Variants in PPP2R5C observed in about 807,000 individuals in gnomAD.
PPP2R5C encodes protein phosphatase 2 regulatory subunit B'gamma, also known as serine/threonine-protein phosphatase 2A 56 kDa regulatory subunit gamma isoform.
In PPP2R5C, 7 loss-of-function variants were observed where a neutral mutation model predicts 68.9. That is an observed-to-expected ratio of 0.10 (90% CI 0.06 to 0.19). The LOEUF (loss-of-function observed/expected upper bound fraction) is 0.19, where lower values mean the gene tolerates loss of function less well. Among genes scored for constraint, PPP2R5C ranks in the 10% least tolerant of loss-of-function variants. The pLI is 1.00. For missense variants in PPP2R5C, 348 were observed against 641.3 expected, an observed-to-expected ratio of 0.54 and a Z score of 4.94; for synonymous variants, 210 against 222.2, an observed-to-expected ratio of 0.95 and a Z score of 0.49.
At position 101,917,967 on chromosome 14, in the gene PPP2R5C, A is replaced by C. The variant is rs1445886556; in HGVS notation, c.1443+20A>C. The C allele has an allele frequency of 6.2e-7, 1 of 1,613,782 alleles. No homozygotes were observed. Among genetic ancestry groups the C allele is most frequent in the Non-Finnish European group, 8.5e-7 (1 of 1,179,786 alleles). On this transcript the variant is annotated intron_variant, in intron 13 of 13. Transcript: ENST00000334743. The surrounding 1 kb of genome is among the most constrained non-coding windows in gnomAD (Gnocchi z 4.4). ...CATCAGGTAAAAGTGCACCGAGCTC[A>C]GCTGGGCACCCATGACTGATTTGCT...
chr14:101,853,232 A>G (rs1236728352), intron 1 of PPP2R5C, among the ~76,000 whole-genome samples: 2 of 152,118 alleles, frequency 1.3e-5, no homozygotes, highest in Admixed American at 1.3e-4. Flanking sequence ...TCATTGTTAC[A>G]GGTTTTTTTT....
chr14:101,840,557 T>C (rs1011438646), intron 1 of PPP2R5C, among the ~76,000 whole-genome samples: 1 of 151,896 alleles, frequency 6.6e-6, no homozygotes, highest in African/African-American at 2.4e-5. Flanking sequence ...TAAGGATATT[T>C]TTCCATTCAA....
chr14:101,896,199 T>C (rs567163706), intron 8 of PPP2R5C, among the ~76,000 whole-genome samples: 2 of 151,998 alleles, frequency 1.3e-5, no homozygotes, highest in East Asian at 3.9e-4. Context: ...TTTGCATTTT[T>C]ATTAGAGACA....
chr14:101,831,070 G>A (rs1258545135), intron 1 of PPP2R5C, among the ~76,000 whole-genome samples: 1 of 152,148 alleles, frequency 6.6e-6, no homozygotes, highest in African/African-American at 2.4e-5. Context: ...TGACAACATC[G>A]TGTGGCATGT....
chr14:101,810,183 G>A (rs1364858162), intron 1 of PPP2R5C: 2 of 706,738 alleles, frequency 2.8e-6, no homozygotes, highest in Non-Finnish European at 4.7e-6. Flanking sequence ...GGTTGGGTGT[G>A]TCACTGCAGT....
Position 101,762,045 on chromosome 14 carries a change from G to C in PPP2R5C, c.27+125G>C, listed in dbSNP as rs981970494. 5 of 999,816 alleles carry C rather than the reference G, an allele frequency of 5.0e-6. No homozygotes were observed. The African/African-American group carries it at 8.7e-5, about 17-fold the overall frequency. 61.9% of individuals were successfully genotyped at this position (999,816 alleles called of 1,614,324 possible). On this transcript the variant is annotated intron_variant, in intron 1 of 14. Coordinates refer to the PPP2R5C transcript ENST00000328724. ...CCCCGCCTGACGCCGCGGGCTTCGC[G>C]TCCCCGAGGGCGGCCGAGCCAGGCA... is the stretch of plus-strand genomic sequence containing the variant.
chr14:101,832,691 G>C (rs1258762583), intron 1 of PPP2R5C, among the ~76,000 whole-genome samples: 1 of 152,178 alleles, frequency 6.6e-6, no homozygotes, highest in African/African-American at 2.4e-5. Context: ...ACTCCACACA[G>C]AGGAGCAGGG....
At position 101,797,419 on chromosome 14, in the gene PPP2R5C, A is replaced by G. The variant is rs902215634; in HGVS notation, c.259+11236A>G. The G allele has an allele frequency of 9.8e-6, 4 of 406,676 alleles. No individual in the cohort carries two copies. Among genetic ancestry groups the G allele is most frequent in the African/African-American group, 4.1e-5 (2 of 49,246 alleles). 25.2% of individuals were successfully genotyped at this position (406,676 alleles called of 1,614,324 possible). ...GTGTCATCCATTCGAGCATCTGCCA[A>G]GGACCCAGGAAACACACAGTGTGTC... On this transcript the variant is annotated intron_variant, in intron 3 of 14. Transcript: ENST00000328724. This position sits in a 1 kb window ranked among gnomAD's most constrained non-coding sequence, Gnocchi z 4.2.
chr14:101,846,830 C>G (rs1333511828), intron 1 of PPP2R5C, among the ~76,000 whole-genome samples: 1 of 152,172 alleles, frequency 6.6e-6, no homozygotes, highest in Non-Finnish European at 1.5e-5. Flanking sequence ...TCACCCATGT[C>G]TCTCCTGAAC....
At chr14:101,764,222 C>A (rs2036734143) in intron 2 of PPP2R5C, among the ~76,000 whole-genome samples, 2 of 152,182 alleles carry the variant, frequency 1.3e-5, no homozygotes, top group African/African-American at 4.8e-5. Flanking sequence ...TTCCTTGTGA[C>A]TAATTGTTGA....
intron 1 of PPP2R5C, chr14:101,824,263 T>C (rs1168282024): frequency 4.7e-6 from 5 of 1,067,362 alleles, no homozygotes; most frequent in African/African-American, 1.7e-5. Flanking sequence ...CGTAATGATA[T>C]AGCATGAAGT....
At chr14:101,901,399 G>A (rs904960333) in intron 8 of PPP2R5C, among the ~76,000 whole-genome samples, 2 of 152,176 alleles carry the variant, frequency 1.3e-5, no homozygotes, top group Non-Finnish European at 2.9e-5. Context: ...GGTGGTACGT[G>A]CCTGTGGTCC....
intron 1 of PPP2R5C, among the ~76,000 whole-genome samples, chr14:101,811,580 C>T (rs911225175): frequency 4.6e-5 from 7 of 152,012 alleles, no homozygotes; most frequent in African/African-American, 4.8e-5. Context: ...TGGGCTCAAG[C>T]GATCCTCCCA....
chr14:101,886,019 C>T lies in PPP2R5C; in HGVS notation c.629+2457C>T, dbSNP rs144269855. ...AAAATGGGCCGGGCGTGGTGGCTCA[C>T]GCCTGTAATCCCAGCACTTTGGGAG... On this transcript the variant is annotated intron_variant, in intron 5 of 13. Transcript: ENST00000334743. Among the ~76,000 whole-genome samples, 123 of 152,328 alleles carry T rather than the reference C, an allele frequency of 8.1e-4. 2 individuals are homozygous for T. In the South Asian group the frequency reaches 8.9e-3, roughly 11 times the overall value.
At position 101,916,838 on chromosome 14, in the gene PPP2R5C, G is replaced by A. The variant is rs60089041; in HGVS notation, c.1327-993G>A. ...AGAGAATGGAGGGGTGTGGATGAGA[G>A]CAGCCTGGGCAGGAACCCCCGCTCC... On this transcript the variant is annotated intron_variant, in intron 12 of 13. Coordinates refer to ENST00000334743, the Ensembl canonical transcript of PPP2R5C. The surrounding 1 kb of genome is among the most constrained non-coding windows in gnomAD (Gnocchi z 5.5). Among the ~76,000 whole-genome samples, 20,513 of 151,948 alleles carry A rather than the reference G, an allele frequency of 0.14. 1,983 individuals carry two copies. The highest frequency in any genetic ancestry group is 0.3 in the East Asian group (1,525 of 5,150).
At chr14:101,803,264 G>C (rs1250948978) in intron 3 of PPP2R5C, 1 of 152,310 alleles carries the variant, frequency 6.6e-6, no homozygotes, top group Non-Finnish European at 1.5e-5. Context: ...AAATTGGAAT[G>C]ATACAGAGAT....
intron 1 of PPP2R5C, among the ~76,000 whole-genome samples, chr14:101,833,026 G>T (rs554265645): frequency 6.6e-6 from 1 of 152,220 alleles, no homozygotes; most frequent in Non-Finnish European, 1.5e-5. Context: ...CATCTGAAAC[G>T]TGCTGGAATC....
chr14:101,768,610 C>T (rs2036982231), intron 2 of PPP2R5C, among the ~76,000 whole-genome samples: 1 of 152,074 alleles, frequency 6.6e-6, no homozygotes, highest in Admixed American at 6.5e-5. Flanking sequence ...TCTGCCCCTG[C>T]ACGCAAGCTG....
At chr14:101,769,910 C>T (rs2037060715) in intron 2 of PPP2R5C, among the ~76,000 whole-genome samples, 1 of 152,178 alleles carries the variant, frequency 6.6e-6, no homozygotes, top group South Asian at 2.1e-4. Context: ...AACATGATGG[C>T]ATGTGCTTAA....
Sources: allele counts gnomAD v4.1 joint callset (sites outside exome capture counted in the v4.1 genomes callset), GRCh38; gene constraint gnomAD v4.1.1; non-coding constraint Gnocchi (gnomAD v3.1); transcripts MANE v1.5; gene names NCBI Gene and HGNC (gene_info 2026-07-23, HGNC 2026-07-21).